ASS1: variants seen among roughly 807,000 people sequenced by gnomAD.
The protein encoded by ASS1 is argininosuccinate synthase 1.
ASS1 carries 58 observed loss-of-function variants against 60.5 expected under a neutral mutation model. The ratio of observed to expected loss-of-function variants is 0.96; its 90% CI spans 0.78 to 1.19. The LOEUF is 1.19. Ranked by LOEUF, ASS1 falls within the 50% of genes most tolerant of loss-of-function variation. The pLI, the probability that ASS1 is intolerant of heterozygous loss-of-function variation, is 0.00. For synonymous variants in ASS1, 200 were observed against 206.9 expected (o/e 0.97, Z 0.29); for missense variants, 454 against 547.3 (o/e 0.83, Z 1.70).
chr9:130,470,854 G>T lies in ASS1; in HGVS notation c.516G>T (p.Pro172=), dbSNP rs139581143. The T allele has an allele frequency of 2.5e-6, 4 of 1,614,016 alleles. No homozygotes were observed. The Admixed American group carries it at 5.0e-5, about 20-fold the overall frequency. The part of the protein sequence containing the change: ...EYAKQHGIPI[P]VTPKNPWSMD... ...TGCAGCAACACGGGATTCCCATCCC[G>T]GTCACTCCCAAGAACCCGTGGAGCA... is the stretch of plus-strand genomic sequence containing the variant. The change falls in exon 7 of 15, where the codon CCG becomes CCT. Residue 172 remains proline, a synonymous_variant. Transcript: ENST00000352480. The surrounding 1 kb of genome is among the most constrained non-coding windows in gnomAD (Gnocchi z 4.3).
At chr9:130,472,833 G>T (rs1356649709) in intron 8 of ASS1, among the ~76,000 whole-genome samples, 1 of 152,310 alleles carries the variant, frequency 6.6e-6, no homozygotes, top group East Asian at 1.9e-4. Context: ...TCTCAGGCCC[G>T]TGGGCCCCAA....
intron 2 of ASS1, 101 bp from the exon 3 acceptor site, chr9:130,454,204 G>T: frequency 8.3e-7 from 1 of 1,203,918 alleles, no homozygotes; most frequent in Non-Finnish European, 1.2e-6. Flanking sequence ...TGGAATGGAA[G>T]CTGTCTCTGT....
At chr9:130,461,257 C>G (rs1412944724) in intron 4 of ASS1, among the ~76,000 whole-genome samples, 1 of 152,158 alleles carries the variant, frequency 6.6e-6, no homozygotes, top group Non-Finnish European at 1.5e-5. Context: ...GTTCCCGGGT[C>G]CATGCGGAGA....
At position 130,470,649 on chromosome 9, in the gene ASS1, C is replaced by A. The variant is rs1277153169; in HGVS notation, c.496-185C>A. 1.3e-5 allele frequency among the ~76,000 whole-genome samples: 2 copies of A among 152,222 alleles called. No homozygotes were observed. The highest frequency in any genetic ancestry group is 2.9e-5 in the Non-Finnish European group (2 of 68,020). On this transcript the variant is annotated intron_variant, in intron 6 of 14. Transcript: ENST00000352480. This position sits in a 1 kb window ranked among gnomAD's most constrained non-coding sequence, Gnocchi z 4.3. ...GCAGACACACGGTCCTGCAGTTTCT[C>A]TGGGGCATGTCCAGCAATAGGGTCC... is the stretch of plus-strand genomic sequence containing the variant.
At chr9:130,462,998 A>G (rs868602217) in intron 4 of ASS1, among the ~76,000 whole-genome samples, 2 of 152,204 alleles carry the variant, frequency 1.3e-5, no homozygotes, top group African/African-American at 4.8e-5. Flanking sequence ...GTGACAGCAC[A>G]TAGTAGGTGC....
chr9:130,470,459 G>C lies in ASS1; in HGVS notation c.496-375G>C, dbSNP rs1306472939. ...GGTGCCAGGTGCCCCGGTCCACAGTGCGAGCGGGTTCACACAAGCCCCAGC... is the reference window on the plus strand; with the variant it reads ...GGTGCCAGGTGCCCCGGTCCACAGTCCGAGCGGGTTCACACAAGCCCCAGC... On this transcript the variant is annotated intron_variant, in intron 6 of 14. Transcript: ENST00000352480. This position sits in a 1 kb window ranked among gnomAD's most constrained non-coding sequence, Gnocchi z 4.3. Among the ~76,000 whole-genome samples the C allele has an allele frequency of 2.0e-5, 3 of 152,336 alleles. No individual in the cohort carries two copies. Among genetic ancestry groups the C allele is most frequent in the East Asian group, 1.9e-4 (1 of 5,164 alleles).
chr9:130,491,238 C>T lies in ASS1; in HGVS notation c.970+1774C>T, dbSNP rs1262106728. Among the ~76,000 whole-genome samples, 6 of 152,208 alleles carry T rather than the reference C, an allele frequency of 3.9e-5. No individual in the cohort carries two copies. In the South Asian group the frequency reaches 6.2e-4, roughly 16 times the overall value. On this transcript the variant is annotated intron_variant, in intron 12 of 14. Transcript: ENST00000352480. This position sits in a 1 kb window ranked among gnomAD's most constrained non-coding sequence, Gnocchi z 5.3. ...ATTGTCTCCTGCAGGCTTTCCAGCC[C>T]GGCGGGATTGCGACCCCGAAAGGAG...
intron 3 of ASS1, among the ~76,000 whole-genome samples, chr9:130,455,147 C>T (rs1358169796): frequency 1.3e-5 from 2 of 150,938 alleles, no homozygotes; most frequent in East Asian, 3.9e-4. Flanking sequence ...ATCCATCCAT[C>T]CATCCATCAT....
chr9:130,499,541 C>T lies in ASS1; in HGVS notation c.1164C>T (p.Ala388=), dbSNP rs1846688097. ...NVQGDYEPTD[A]TGFININSLR... ...AGGGTGATTATGAGCCAACTGATGC[C>T]ACCGGGTTCATCAACATCAATTCCC... Residue 388 remains alanine, a synonymous_variant, in exon 14 of 15, where the codon GCC becomes GCT. Transcript: ENST00000352480. 6 of 1,613,824 alleles carry T rather than the reference C, an allele frequency of 3.7e-6. No homozygotes were observed. The highest frequency in any genetic ancestry group is 5.1e-6 in the Non-Finnish European group (6 of 1,179,920).
intron 5 of ASS1, among the ~76,000 whole-genome samples, chr9:130,465,057 T>TA (rs201810692): frequency 0.036 from 2,766 of 75,904 alleles, 29 homozygotes; most frequent in Admixed American, 0.068. Context: ...TATATATATA[T>TA]TTTTTTTTTT....
intron 1 of ASS1, among the ~76,000 whole-genome samples, chr9:130,448,726 G>A (rs563963654): frequency 4.3e-4 from 66 of 152,274 alleles, no homozygotes; most frequent in Non-Finnish European, 8.4e-4. Flanking sequence ...GCCACACTCA[G>A]CTAATTTTTG....
At chr9:130,454,493 A>G (rs1226950097) in intron 3 of ASS1, 120 bp downstream of exon 3, 2 of 1,104,412 alleles carry the variant, frequency 1.8e-6, no homozygotes, top group Non-Finnish European at 2.7e-6. Context: ...TTCTAAGAGT[A>G]TGAGATCATC....
In ASS1 at chr9:130,459,682, GC is replaced by G. The variant is rs1845540751; in HGVS notation, c.363+1095del. Among the ~76,000 whole-genome samples the G allele has an allele frequency of 1.3e-5, 2 of 152,190 alleles. No homozygotes were observed. The highest frequency in any genetic ancestry group is 4.1e-4 in the South Asian group (2 of 4,828). On this transcript the variant is annotated intron_variant, in intron 4 of 14. Coordinates refer to ENST00000352480, the MANE Select transcript of ASS1 (RefSeq NM_054012.4). The surrounding 1 kb of genome is among the most constrained non-coding windows in gnomAD (Gnocchi z 4.6). ...ACTCCTGACCTCAAATGATCCACCA[GC>G]CTTGGCCTCCCAAAGCACTGGGATT...
At chr9:130,496,014 G>T (rs911654806) in intron 13 of ASS1, among the ~76,000 whole-genome samples, 1 of 152,126 alleles carries the variant, frequency 6.6e-6, no homozygotes, top group East Asian at 1.9e-4. Flanking sequence ...GGACACTTGG[G>T]TCTAGAGTTG....
Position 130,491,921 on chromosome 9 carries a change from G to T in ASS1, c.970+2457G>T, listed in dbSNP as rs1328293157. On this transcript the variant is annotated intron_variant, in intron 12 of 14. Coordinates refer to ENST00000352480, the MANE Select transcript of ASS1 (RefSeq NM_054012.4). This position sits in a 1 kb window ranked among gnomAD's most constrained non-coding sequence, Gnocchi z 5.3. ...CAGGCTGACCCCCACAGCTCAGAGG[G>T]CCTGTTTGATGCGATTTTCCCCATG... Among the ~76,000 whole-genome samples, 1 of 152,152 alleles carries T rather than the reference G, an allele frequency of 6.6e-6. No homozygotes were observed. Among genetic ancestry groups the T allele is most frequent in the South Asian group, 2.1e-4 (1 of 4,828 alleles).
upstream of ASS1, among the ~76,000 whole-genome samples, chr9:130,444,716 C>T (rs1052751470): frequency 6.6e-6 from 1 of 151,814 alleles, no homozygotes; most frequent in Non-Finnish European, 1.5e-5. The surrounding 1 kb of genome is among the most constrained non-coding windows in gnomAD (Gnocchi z 4.7). Context: ...CGCCGGCGCG[C>T]CCCTGGGAGG....
rs1216576032 is a variant in ASS1, at chr9:130,470,745, G to A, written c.496-89G>A. ...TTGTCTGAATGGGGGCCAGAGTTTG[G>A]GGCTCTCTGAAAAAGCAGGGCCCCT... is the stretch of plus-strand genomic sequence containing the variant. On this transcript the variant is annotated intron_variant, in intron 6 of 14. Transcript: ENST00000352480. This position sits in a 1 kb window ranked among gnomAD's most constrained non-coding sequence, Gnocchi z 4.3. 7.7e-7 allele frequency: 1 copy of A among 1,291,782 alleles called. No homozygotes were observed. The highest frequency in any genetic ancestry group is 1.1e-6 in the Non-Finnish European group (1 of 889,830). 80.0% of individuals were successfully genotyped at this position (1,291,782 alleles called of 1,614,324 possible).
chr9:130,490,342 T>C (rs1356280700), intron 12 of ASS1, among the ~76,000 whole-genome samples: 2 of 152,192 alleles, frequency 1.3e-5, no homozygotes, highest in African/African-American at 4.8e-5. Context: ...GGACGGACTT[T>C]CGCTCTTGTT....
intron 8 of ASS1, among the ~76,000 whole-genome samples, chr9:130,472,922 G>A (rs945330954): frequency 1.3e-5 from 2 of 152,138 alleles, no homozygotes; most frequent in African/African-American, 2.4e-5. Context: ...CAGAGAGGAG[G>A]CCCCCCCAGA....
Sources: gnomAD v4.1 joint callset for allele counts (sites outside exome capture counted in the v4.1 genomes callset) on GRCh38, gnomAD v4.1.1 for gene constraint, Gnocchi (gnomAD v3.1) non-coding constraint, MANE v1.5 for transcripts, NCBI Gene and HGNC (gene_info 2026-07-23, HGNC 2026-07-21) for gene names.